Variants in TBC1D25 observed in about 807,000 individuals in gnomAD.
The protein encoded by TBC1D25 is 5SN3 snoRNA.
A neutral mutation model predicts 38.8 loss-of-function variants in TBC1D25; 13 were observed. The observed-to-expected ratio is 0.34, with a 90% CI of 0.22 to 0.53. The LOEUF (loss-of-function observed/expected upper bound fraction) is 0.53, where lower values mean the gene tolerates loss of function less well. Ranked by LOEUF, TBC1D25 falls within the 20% of genes least tolerant of loss-of-function variation. TBC1D25 has a pLI of 0.94. For missense variants in TBC1D25, 372 were observed against 600.0 expected (o/e 0.62, Z 3.97); for synonymous variants, 225 against 255.6 (o/e 0.88, Z 1.14).
chrX:48,541,281 T>G, intron 1 of TBC1D25, 52 bp from the exon 2 acceptor site: 1 of 1,099,142 alleles, frequency 9.1e-7, no homozygotes, highest in Non-Finnish European at 1.3e-6. Flanking sequence ...ACCTCACTCT[T>G]CAGCATGGTG....
In TBC1D25 at chrX:48,544,997, G is replaced by A. The variant is rs370010222; in HGVS notation, c.362G>A (p.Arg121His). 13 of 1,209,849 alleles carry A rather than the reference G, an allele frequency of 1.1e-5. No homozygotes were observed. Among genetic ancestry groups the A allele is most frequent in the South Asian group, 3.5e-5 (2 of 56,859 alleles). The change falls in exon 3 of 6, where the codon CGT (arginine) becomes CAT (histidine). Residue 121 changes from arginine (R) to histidine (H), a missense_variant. Transcript: ENST00000376771. ...GCCTCCAAACCTTACCTGCAATTGC[G>A]TGTAGATATTCGGCCCTCGGAGGAC... is the stretch of plus-strand genomic sequence containing the variant. The part of the protein sequence containing the change: ...ATASKPYLQL[R>H]VDIRPSEDSP...
In TBC1D25 at chrX:48,541,457, G is replaced by T. The variant is rs781837952; in HGVS notation, c.233+15G>T. 8.3e-7 allele frequency: 1 copy of T among 1,199,767 alleles called. No individual in the cohort carries two copies. Among genetic ancestry groups the T allele is most frequent in the East Asian group, 3.0e-5 (1 of 33,764 alleles). On this transcript the variant is annotated intron_variant, in intron 2 of 5. Transcript: ENST00000376771. ...GATTTGAGTGGGTGAGTGGGAAGAT[G>T]CTGGGGACTGGCCAGTGGGCCACCG... is the stretch of plus-strand genomic sequence containing the variant.
rs1556985175 is a variant in TBC1D25 at position 48,559,155 on chromosome X, T to C, written c.517-3T>C. 8.3e-7 allele frequency: 1 copy of C among 1,209,340 alleles called. No homozygotes were observed. The highest frequency in any genetic ancestry group is 2.2e-5 in the Admixed American group (1 of 45,781). ...TGATGGTGGCCTCCCTCCCTCCTCA[T>C]AGGTGGGCCGTACCTTGTCTAAGGT... On this transcript the variant is annotated splice_region_variant and splice_polypyrimidine_tract_variant and intron_variant, in intron 4 of 5. Coordinates refer to ENST00000376771, the MANE Select transcript of TBC1D25 (RefSeq NM_002536.4).
intron 3 of TBC1D25, among the ~76,000 whole-genome samples, chrX:48,556,932 AAAAG>A (rs1277752042): frequency 9.1e-6 from 1 of 110,058 alleles, no homozygotes; most frequent in Non-Finnish European, 1.9e-5. Flanking sequence ...GGCAAAATGA[AAAAG>A]AAAGAGAAAC....
Position 48,539,738 on chromosome X carries a change from G to C in TBC1D25, c.-60G>C. 2 of 943,180 alleles carry C rather than the reference G, an allele frequency of 2.1e-6. No homozygotes were observed. Among genetic ancestry groups the C allele is most frequent in the Non-Finnish European group, 1.3e-6 (1 of 757,822 alleles). The allele number at this position is 943,180 out of a possible 1,213,427, so 77.7% of individuals were successfully genotyped here. On this transcript the variant is annotated 5_prime_UTR_variant, in exon 1 of 6. Coordinates refer to ENST00000376771, the MANE Select transcript of TBC1D25 (RefSeq NM_002536.4). The stretch of plus-strand genomic sequence containing the variant: ...TGGGGCGGCGGGCGTCAGTACAGTA[G>C]AGTGTGCGCCGGGGTGGGGGGCAAC...
Position 48,558,985 on chromosome X carries a change from G to A in TBC1D25, c.477G>A (p.Thr159=), listed in dbSNP as rs782473028. Reference sequence around the variant, plus strand: ...TGGCTGAGAAACGGTCATCACTGACGACTGCCGCCCTGCCCTTTACACAGT... The same window carrying A: ...TGGCTGAGAAACGGTCATCACTGACAACTGCCGCCCTGCCCTTTACACAGT... ...VLLAEKRSSL[T]TAALPFTQSI... is the part of the protein sequence containing the mutation. The change falls in exon 4 of 6, where the codon ACG becomes ACA. Residue 159 remains threonine, a synonymous_variant. Coordinates refer to ENST00000376771, the MANE Select transcript of TBC1D25 (RefSeq NM_002536.4). 5.8e-6 allele frequency: 7 copies of A among 1,209,681 alleles called. No individual in the cohort carries two copies. Among genetic ancestry groups the A allele is most frequent in the South Asian group, 3.5e-5 (2 of 56,804 alleles).
chrX:48,543,535 T>C (rs1189070392), intron 2 of TBC1D25, among the ~76,000 whole-genome samples: 2 of 105,163 alleles, frequency 1.9e-5, no homozygotes, highest in Non-Finnish European at 3.9e-5. Flanking sequence ...GCACCTGGCC[T>C]GCTTTTTGAA....
chrX:48,558,226 C>T (rs1205834083), intron 3 of TBC1D25, among the ~76,000 whole-genome samples: 1 of 111,815 alleles, frequency 8.9e-6, no homozygotes, highest in Non-Finnish European at 1.9e-5. Flanking sequence ...AGATCCCAGC[C>T]CTACTATTTC....
chrX:48,553,616 C>CTTTTTT (rs1209605714), intron 3 of TBC1D25, among the ~76,000 whole-genome samples: 238 of 53,128 alleles, frequency 4.5e-3, no homozygotes, highest in Non-Finnish European at 5.4e-3. Flanking sequence ...TTTTCTTTTT[C>CTTTTTT]TTTTTTTTTT....
chrX:48,561,782 T>C lies in TBC1D25; in HGVS notation c.*807T>C, dbSNP rs2062029417. On this transcript the variant is annotated 3_prime_UTR_variant, in exon 6 of 6. Transcript: ENST00000376771. ...CAAGTGTGAAAGCCCAATCATCACA[T>C]TGTTGAATTACAAAAGGATCTAGGG... is the stretch of plus-strand genomic sequence containing the variant. The C allele has an allele frequency of 8.9e-6, 1 of 112,663 alleles. No homozygotes were observed. Among genetic ancestry groups the C allele is most frequent in the South Asian group, 3.6e-4 (1 of 2,775 alleles). 9.3% of individuals were successfully genotyped at this position (112,663 alleles called of 1,213,427 possible).
intron 1 of TBC1D25, 145 bp from the exon 2 acceptor site, chrX:48,541,188 C>T: frequency 1.9e-6 from 1 of 519,257 alleles, no homozygotes; most frequent in Non-Finnish European, 3.5e-6. Flanking sequence ...CAGTAGCCTC[C>T]TCCTCACTGG....
chrX:48,544,726 C>T (rs952877816), intron 2 of TBC1D25, 143 bp from the exon 3 acceptor site: 31 of 725,349 alleles, frequency 4.3e-5, no homozygotes, highest in Non-Finnish European at 5.8e-5. Flanking sequence ...TCTCAGGCTG[C>T]CCATAATCCT....
chrX:48,546,069 C>T (rs1260891382), intron 3 of TBC1D25, among the ~76,000 whole-genome samples: 3 of 109,779 alleles, frequency 2.7e-5, no homozygotes, highest in African/African-American at 1.0e-4. Flanking sequence ...AAAAATTAGC[C>T]GGGTGTAGTG....
chrX:48,552,030 T>C (rs1315862883), intron 3 of TBC1D25, among the ~76,000 whole-genome samples: 1 of 111,556 alleles, frequency 9.0e-6, no homozygotes, highest in Non-Finnish European at 1.9e-5. Context: ...GACATTCTCA[T>C]GGCTACTATT....
intron 1 of TBC1D25, 155 bp from the exon 2 acceptor site, chrX:48,541,178 C>A (rs2061835788): frequency 2.0e-6 from 1 of 497,548 alleles, no homozygotes; most frequent in South Asian, 2.7e-5. Flanking sequence ...TGAACTCTTG[C>A]AGTAGCCTCC....
Position 48,560,842 on chromosome X carries a change from T to C in TBC1D25, c.1934T>C (p.Met645Thr), listed in dbSNP as rs781971031. The change falls in exon 6 of 6, where the codon ATG becomes ACG. Residue 645 changes from methionine to threonine, a missense_variant. By Grantham distance (81) the Met-to-Thr change is moderately conservative (BLOSUM62 -1). Around this residue, in one of 2 missense-constraint regions of TBC1D25, gnomAD observed 312 missense variants for 549.3 expected, o/e 0.57. Transcript: ENST00000376771. ...RNGLDYNELA[M>T]HFDRLVRKHH... Reference sequence around the variant, plus strand: ...GGGCTGGATTATAATGAGCTGGCCATGCACTTTGACCGCCTTGTGCGAAAA... The same window carrying C: ...GGGCTGGATTATAATGAGCTGGCCACGCACTTTGACCGCCTTGTGCGAAAA... 3 of 1,212,456 alleles carry C rather than the reference T, an allele frequency of 2.5e-6. No homozygotes were observed. Among genetic ancestry groups the C allele is most frequent in the Non-Finnish European group, 3.3e-6 (3 of 895,695 alleles).
At chrX:48,549,317 G>A (rs1556982643) in intron 3 of TBC1D25, among the ~76,000 whole-genome samples, 1 of 111,691 alleles carries the variant, frequency 9.0e-6, no homozygotes, top group Non-Finnish European at 1.9e-5. Context: ...ATTACAGGCG[G>A]GAGCCACCGT....
In TBC1D25 at chrX:48,558,971, C is replaced by T. The variant is rs1432540003; in HGVS notation, c.463C>T (p.Arg155Trp). 8.3e-7 allele frequency: 1 copy of T among 1,211,772 alleles called. No individual in the cohort carries two copies. Among genetic ancestry groups the T allele is most frequent in the African/African-American group, 1.7e-5 (1 of 57,808 alleles). Residue 155 changes from arginine (R) to tryptophan (W), a missense_variant, in exon 4 of 6, where the codon CGG (arginine) becomes TGG (tryptophan). Arg to Trp is a moderately radical substitution (Grantham distance 101). This residue lies in a region of TBC1D25 where 312 missense variants were observed against 549.3 expected (regional missense o/e 0.57). Transcript: ENST00000376771. ...IGSDVLLAEKRSSLTTAALPF... is the reference protein window; with the variant it reads ...IGSDVLLAEKWSSLTTAALPF... ...CTCCGACGTGTTGCTGGCTGAGAAA[C>T]GGTCATCACTGACGACTGCCGCCCT...
intron 3 of TBC1D25, among the ~76,000 whole-genome samples, chrX:48,554,180 CAAAAA>C (rs373841370): frequency 1.0e-5 from 1 of 96,591 alleles, no homozygotes; most frequent in Non-Finnish European, 2.1e-5. Context: ...GACTCTGCCT[CAAAAA>C]AAAAAAATTG....
Sources: gnomAD v4.1 joint callset for allele counts (sites outside exome capture counted in the v4.1 genomes callset) on GRCh38, gnomAD v4.1.1 for gene constraint, gnomAD v4.1.1 regional missense constraint, MANE v1.5 for transcripts, NCBI Gene and HGNC (gene_info 2026-07-23, HGNC 2026-07-21) for gene names.